ALDH2: variants seen among roughly 807,000 people sequenced by gnomAD.
The protein encoded by ALDH2 is aldehyde dehydrogenase 2 family member.
A neutral mutation model predicts 59.6 loss-of-function variants in ALDH2; 44 were observed. The observed-to-expected ratio is 0.74, with a 90% CI of 0.58 to 0.95. The LOEUF (loss-of-function observed/expected upper bound fraction) is 0.95, where lower values mean the gene tolerates loss of function less well. Among genes scored for constraint, ALDH2 ranks in the 40% least tolerant of loss-of-function variants. ALDH2 has a pLI of 0.00. For missense variants in ALDH2, 570 were observed against 696.3 expected (o/e 0.82, Z 2.04); for synonymous variants, 291 against 284.0 (o/e 1.02, Z -0.25).
At chr12:111,792,005 G>A in intron 7 of ALDH2, 56 bp from the exon 8 acceptor site, 3 of 1,102,230 alleles carry the variant, frequency 2.7e-6, no homozygotes, top group South Asian at 2.5e-5. Flanking sequence ...TCTATAGAGT[G>A]CTGGACTCTT....
At chr12:111,778,460 G>A (rs899470182) in intron 1 of ALDH2, among the ~76,000 whole-genome samples, 10 of 151,336 alleles carry the variant, frequency 6.6e-5, no homozygotes, top group Non-Finnish European at 1.2e-4. Flanking sequence ...CAGGAGAATC[G>A]CTTGAACCTG....
intron 1 of ALDH2, among the ~76,000 whole-genome samples, chr12:111,772,520 T>C (rs111540844): frequency 7.9e-5 from 12 of 151,994 alleles, no homozygotes; most frequent in African/African-American, 2.9e-4. Flanking sequence ...GCCGCCACCA[T>C]GCCCAGCTAA....
chr12:111,817,288 G>C lies in ALDH2; in HGVS notation c.*7713G>C, dbSNP rs147672960. On this transcript the variant is annotated 3_prime_UTR_variant, in exon 13 of 13. Coordinates refer to ENST00000261733, the MANE Select transcript of ALDH2 (RefSeq NM_000690.4). ...TGGGCACAATGAGTAAGTTGAGTTA[G>C]AAGATGTTTCATGAAGTGCAAAGCA... The C allele has an allele frequency of 1.3e-5, 2 of 152,346 alleles. No individual in the cohort carries two copies. The highest frequency in any genetic ancestry group is 4.8e-5 in the African/African-American group (2 of 41,574). 9.4% of individuals were successfully genotyped at this position (152,346 alleles called of 1,614,324 possible).
chr12:111,800,788 C>T (rs1468276658), intron 11 of ALDH2, among the ~76,000 whole-genome samples: 1 of 152,038 alleles, frequency 6.6e-6, no homozygotes, highest in Non-Finnish European at 1.5e-5. Flanking sequence ...AACATGAAGC[C>T]CCCATATGAC....
At chr12:111,805,118 TAAAGTA>T in intron 12 of ALDH2, among the ~76,000 whole-genome samples, 1 of 152,312 alleles carries the variant, frequency 6.6e-6, no homozygotes, top group African/African-American at 2.4e-5. Context: ...GCTTAGCCTT[TAAAGTA>T]AAAGCAGTAT....
At chr12:111,808,654 G>A (rs911417506) in intron 12 of ALDH2, among the ~76,000 whole-genome samples, 13 of 151,988 alleles carry the variant, frequency 8.6e-5, no homozygotes, top group Admixed American at 2.6e-4. Flanking sequence ...GCAGTGAGCC[G>A]AGATTGCGCC....
intron 9 of ALDH2, 56 bp from the exon 10 acceptor site, chr12:111,798,022 G>A: frequency 6.2e-7 from 1 of 1,604,922 alleles, no homozygotes; most frequent in African/African-American, 1.3e-5. Context: ...TAAGCCTGAA[G>A]CCTAGGAGAG....
chr12:111,783,745 A>G (rs2068290488), intron 3 of ALDH2, among the ~76,000 whole-genome samples: 2 of 152,180 alleles, frequency 1.3e-5, no homozygotes, highest in Admixed American at 1.3e-4. Context: ...CTTGGGCTCA[A>G]GTAATCCACC....
At chr12:111,782,458 G>T (rs2068279223) in intron 2 of ALDH2, among the ~76,000 whole-genome samples, 2 of 152,266 alleles carry the variant, frequency 1.3e-5, no homozygotes, top group South Asian at 4.1e-4. Context: ...AGTGGCGCAG[G>T]CCTGTAATCC....
chr12:111,768,757 T>C (rs571131053), intron 1 of ALDH2, among the ~76,000 whole-genome samples: 2 of 152,190 alleles, frequency 1.3e-5, no homozygotes, highest in East Asian at 1.9e-4. Context: ...GGTGGGATGA[T>C]CCCTTGAGCC....
At chr12:111,797,468 G>T (rs1480924197) in intron 9 of ALDH2, among the ~76,000 whole-genome samples, 2 of 152,112 alleles carry the variant, frequency 1.3e-5, no homozygotes, top group Non-Finnish European at 2.9e-5. Context: ...CAGCGTAGGG[G>T]TGCATGCCTA....
intron 5 of ALDH2, 128 bp downstream of exon 5, chr12:111,790,062 C>T: frequency 2.5e-6 from 2 of 800,016 alleles, no homozygotes; most frequent in Non-Finnish European, 4.0e-6. Context: ...TGGGCTCTGA[C>T]AAAGCCAATC....
At chr12:111,781,053 G>T (rs944706050) in intron 1 of ALDH2, among the ~76,000 whole-genome samples, 6 of 152,048 alleles carry the variant, frequency 3.9e-5, no homozygotes, top group South Asian at 2.1e-4. Context: ...AGGCTACAGG[G>T]AGCCATGATC....
rs1259954631 is a variant in ALDH2, at chr12:111,766,959, C to T, written c.-24C>T. ...AGACCCTAGCTCTGCTCTCGGTCCG[C>T]TCGCTGTCCGCTAGCCCGCTGCGAT... On this transcript the variant is annotated 5_prime_UTR_variant, in exon 1 of 13. Coordinates refer to ENST00000261733, the MANE Select transcript of ALDH2 (RefSeq NM_000690.4). 3.3e-6 allele frequency: 5 copies of T among 1,515,430 alleles called. No individual in the cohort carries two copies. The highest frequency in any genetic ancestry group is 2.6e-5 in the East Asian group (1 of 38,476). The allele number at this position is 1,515,430 out of a possible 1,614,324, so 93.9% of individuals were successfully genotyped here.
chr12:111,768,703 G>A (rs914598643), intron 1 of ALDH2, among the ~76,000 whole-genome samples: 1 of 151,550 alleles, frequency 6.6e-6, no homozygotes, highest in African/African-American at 2.4e-5. Flanking sequence ...AATTAGTTAG[G>A]TGCGGTGGCA....
rs1852849907 is a variant in ALDH2, at chr12:111,816,751, T to A, written c.*7176T>A. The A allele has an allele frequency of 6.6e-6, 1 of 152,240 alleles. No individual in the cohort carries two copies. The highest frequency in any genetic ancestry group is 1.5e-5 in the Non-Finnish European group (1 of 68,036). The allele number at this position is 152,240 out of a possible 1,614,324, so 9.4% of individuals were successfully genotyped here. A position where few individuals can be genotyped will look rare whatever the true frequency, so the allele number is the denominator to read the frequency against. ...CCAAGGACTACATATAAGATGTTAATGTGGTGCTTTAGACAGGTCCAAGGG... is the reference window on the plus strand; with the variant it reads ...CCAAGGACTACATATAAGATGTTAAAGTGGTGCTTTAGACAGGTCCAAGGG... On this transcript the variant is annotated 3_prime_UTR_variant, in exon 13 of 13. Coordinates refer to ENST00000261733, the MANE Select transcript of ALDH2 (RefSeq NM_000690.4).
intron 10 of ALDH2, 143 bp downstream of exon 10, chr12:111,798,385 G>T: frequency 1.2e-6 from 1 of 816,624 alleles, no homozygotes; most frequent in Non-Finnish European, 1.8e-6. Context: ...CCCATAACAC[G>T]CTATTCATAG....
Position 111,798,261 on chromosome 12 carries a change from T to C in ALDH2, c.1248+19T>C, listed in dbSNP as rs779802447. The C allele has an allele frequency of 3.9e-6, 6 of 1,526,380 alleles. No homozygotes were observed. The highest frequency in any genetic ancestry group is 4.4e-6 in the Non-Finnish European group (5 of 1,137,234). 94.6% of individuals were successfully genotyped at this position (1,526,380 alleles called of 1,614,324 possible). A position where few individuals can be genotyped will look rare whatever the true frequency, so the allele number is the denominator to read the frequency against. On this transcript the variant is annotated intron_variant, in intron 10 of 12. Coordinates refer to ENST00000261733, the MANE Select transcript of ALDH2 (RefSeq NM_000690.4). ...GGAGGAGGTGAGCACTTGGGGCCAG[T>C]GCTCTGGAAACATTCTTGGCGGGAG...
At chr12:111,802,746 G>A (rs2068463420) in intron 11 of ALDH2, among the ~76,000 whole-genome samples, 2 of 151,404 alleles carry the variant, frequency 1.3e-5, no homozygotes, top group Non-Finnish European at 2.9e-5. Flanking sequence ...CGGGTGTGGT[G>A]GCGGGCACCT....
Sources: gnomAD v4.1 joint callset for allele counts (sites outside exome capture counted in the v4.1 genomes callset) on GRCh38, gnomAD v4.1.1 for gene constraint, MANE v1.5 for transcripts, NCBI Gene and HGNC (gene_info 2026-07-23, HGNC 2026-07-21) for gene names.